The following SEC16A variants were observed in gnomAD, a reference collection of about 807,000 sequenced individuals.
The protein encoded by SEC16A is protein transport protein Sec16A.
SEC16A carries 110 observed loss-of-function variants against 221.9 expected under a neutral mutation model. The ratio of observed to expected loss-of-function variants is 0.50; its 90% confidence interval spans 0.42 to 0.58. The LOEUF is 0.58. SEC16A is among the 20% of genes least tolerant of loss of function. The pLI is 0.00. For missense variants in SEC16A, 3,165 were observed against 3,097.8 expected (o/e 1.02, Z -0.52); for synonymous variants, 1,393 against 1,257.7 (o/e 1.11, Z -2.28).
At chr9:136,453,805 A>G (rs1215031471) in intron 21 of SEC16A, among the ~76,000 whole-genome samples, 3 of 152,214 alleles carry the variant, frequency 2.0e-5, no homozygotes, top group African/African-American at 7.2e-5. Flanking sequence ...GCATCTCACC[A>G]GGCGTCCAGC....
intron 18 of SEC16A, 30 bp from the exon 19 acceptor site, chr9:136,456,196 G>A (rs1838639763): frequency 1.3e-6 from 2 of 1,541,092 alleles, no homozygotes; most frequent in East Asian, 4.5e-5. Flanking sequence ...AAAGGCCCCT[G>A]TCACCACCGG....
rs1192690291 is a variant in SEC16A, at chr9:136,477,346, G to T, written c.270C>A (p.Pro90=). The T allele has an allele frequency of 1.9e-6, 3 of 1,613,838 alleles. No individual in the cohort carries two copies. The African/African-American group carries it at 4.0e-5, about 22-fold the overall frequency. The change falls in exon 3 of 32, where the codon CCC becomes CCA. Residue 90 remains proline, a synonymous_variant. Transcript: ENST00000684901. ...GPAPAGFSQH[P]GLLVPHTHAR... Reference sequence around the variant, plus strand: ...CATGTGTGTGAGGAACAAGCAAACCGGGGTGCTGAGAAAACCCTGCGGGGG... The same window carrying T: ...CATGTGTGTGAGGAACAAGCAAACCTGGGTGCTGAGAAAACCCTGCGGGGG...
At chr9:136,479,297 A>C (rs1286744817) in intron 1 of SEC16A, among the ~76,000 whole-genome samples, 1 of 152,234 alleles carries the variant, frequency 6.6e-6, no homozygotes, top group African/African-American at 2.4e-5. Flanking sequence ...ACAAACAGAT[A>C]AGTTTAGCCA....
At chr9:136,463,626 A>C in intron 10 of SEC16A, 25 bp from the exon 11 acceptor site, 1 of 1,613,740 alleles carries the variant, frequency 6.2e-7, no homozygotes, top group Non-Finnish European at 8.5e-7. Context: ...CACAGTGAGC[A>C]GTGATGTCTG....
rs185365013 is a variant in SEC16A at position 136,443,956 on chromosome 9, T to C, written c.6928-56A>G. 3.8e-6 allele frequency: 5 copies of C among 1,300,194 alleles called. No homozygotes were observed. In the African/African-American group the frequency reaches 5.9e-5, roughly 15 times the overall value. 80.5% of individuals were successfully genotyped at this position (1,300,194 alleles called of 1,614,324 possible). ...GGCTGCGCTGCACAGCAGCTGTCAC[T>C]TCAAGTGCAGATACAGACACCGCTT... On this transcript the variant is annotated intron_variant, in intron 30 of 31. Transcript: ENST00000684901.
In SEC16A at chr9:136,476,518, T is replaced by G; in HGVS notation, c.1098A>C (p.Ser366=). Residue 366 remains serine, a synonymous_variant, in exon 3 of 32, where the codon TCA becomes TCC. Coordinates refer to ENST00000684901, the MANE Select transcript of SEC16A (RefSeq NM_014866.2). ...GSGCAPLEAD[S]GASGALAMFF... The stretch of plus-strand genomic sequence containing the variant: ...ACATCGCCAGAGCTCCTGAAGCTCC[T>G]GAGTCTGCTTCTAGCGGGGCACAGC... 1 of 1,612,956 alleles carries G rather than the reference T, an allele frequency of 6.2e-7. No individual in the cohort carries two copies. The highest frequency in any genetic ancestry group is 2.2e-5 in the East Asian group (1 of 44,882).
In SEC16A at chr9:136,447,187, T is replaced by A; in HGVS notation, c.6697+40A>T. The A allele has an allele frequency of 1.3e-6, 2 of 1,571,780 alleles. No homozygotes were observed. Among genetic ancestry groups the A allele is most frequent in the Non-Finnish European group, 1.7e-6 (2 of 1,158,314 alleles). On this transcript the variant is annotated intron_variant, in intron 27 of 31. Transcript: ENST00000684901. The surrounding 1 kb of genome is among the most constrained non-coding windows in gnomAD (Gnocchi z 5.5). Reference sequence around the variant, plus strand: ...GAAAGAGGATCAAAGGTCAGGAGACTGGGGGCTGACCTGGAGGGGCTGGTG... The same window carrying A: ...GAAAGAGGATCAAAGGTCAGGAGACAGGGGGCTGACCTGGAGGGGCTGGTG...
chr9:136,463,012 C>A lies in SEC16A; in HGVS notation c.4768G>T (p.Val1590Leu). The part of the protein sequence containing the change: ...IDFTNEAVEQ[V>L]EEEESGEAQL... Reference sequence around the variant, plus strand: ...GCCTCACCAGACTCCTCCTCTTCCACCTGCTCCACTGCCTCATTCGTGAAA... The same window carrying A: ...GCCTCACCAGACTCCTCCTCTTCCAACTGCTCCACTGCCTCATTCGTGAAA... Residue 1590 changes from valine to leucine, a missense_variant, in exon 12 of 32, where the codon GTG becomes TTG. This residue lies in a region of SEC16A where 1,088 missense variants were observed against 1,089.6 expected (regional missense o/e 1.00). Coordinates refer to ENST00000684901, the MANE Select transcript of SEC16A (RefSeq NM_014866.2). The A allele has an allele frequency of 6.2e-7, 1 of 1,611,886 alleles. No individual in the cohort carries two copies. Among genetic ancestry groups the A allele is most frequent in the African/African-American group, 1.3e-5 (1 of 75,080 alleles).
chr9:136,454,398 C>T (rs145392598), intron 20 of SEC16A, 71 bp from the exon 21 acceptor site: 5 of 1,348,806 alleles, frequency 3.7e-6, no homozygotes, highest in Admixed American at 2.0e-5. Context: ...GGAGCTGACA[C>T]TCGACGTGTT....
chr9:136,476,751 C>A lies in SEC16A; in HGVS notation c.865G>T (p.Gly289Ter). ...GRDEVSHLQS[G>*]SHLANNSDPE... The stretch of plus-strand genomic sequence containing the variant: ...TCAGAGTTATTGGCCAGGTGGCTTC[C>A]ACTTTGCAAGTGGCTCACCTCGTCT... The change falls in exon 3 of 32, where the codon GGA becomes TGA. Residue 289 changes from glycine (G) to a stop codon, truncating the protein, a stop_gained. Coordinates refer to ENST00000684901, the MANE Select transcript of SEC16A (RefSeq NM_014866.2). LOFTEE classifies it high-confidence loss of function. 6.2e-7 allele frequency: 1 copy of A among 1,609,604 alleles called. No homozygotes were observed. Among genetic ancestry groups the A allele is most frequent in the Non-Finnish European group, 8.5e-7 (1 of 1,177,012 alleles).
chr9:136,475,660 G>T lies in SEC16A; in HGVS notation c.1956C>A (p.Pro652=). ...GCTCCAGGTTGCCAGGGGAAGCATC[G>T]GGCAGGGCGGCAGCTGGTCTGCACT... is the stretch of plus-strand genomic sequence containing the variant. ...QKQCRPAAAL[P]DASPGNLEQP... Residue 652 remains proline, a synonymous_variant, in exon 3 of 32, where the codon CCC becomes CCA. Transcript: ENST00000684901. The surrounding 1 kb of genome is among the most constrained non-coding windows in gnomAD (Gnocchi z 5.0). 1.9e-6 allele frequency: 3 copies of T among 1,613,724 alleles called. No individual in the cohort carries two copies. Among genetic ancestry groups the T allele is most frequent in the Non-Finnish European group, 1.7e-6 (2 of 1,179,844 alleles).
intron 31 of SEC16A, among the ~76,000 whole-genome samples, chr9:136,443,281 C>G (rs983792355): frequency 6.6e-5 from 10 of 151,864 alleles, no homozygotes; most frequent in Admixed American, 5.2e-4. Context: ...CAGAGCTGAG[C>G]ACGGTGGGCC....
rs903749763 is a variant in SEC16A at position 136,458,383 on chromosome 9, C to A, written c.5409+751G>T. 3.9e-5 allele frequency among the ~76,000 whole-genome samples: 6 copies of A among 152,204 alleles called. No individual in the cohort carries two copies. In the East Asian group the frequency reaches 1.2e-3, roughly 29 times the overall value. On this transcript the variant is annotated intron_variant, in intron 17 of 31. Transcript: ENST00000684901. ...GTGGCTCACGCCTGTCATCCCAACA[C>A]TTTGGGAGGCTGAGGTGGGCAGATC...
upstream of SEC16A, chr9:136,484,732 G>C: frequency 7.3e-7 from 1 of 1,366,802 alleles, no homozygotes; most frequent in South Asian, 1.1e-5. Context: ...GTGGCACCAG[G>C]GCCAATCTGC....
rs746979798 is a variant in SEC16A at position 136,441,837 on chromosome 9, A to G, written c.7006-14T>C. The G allele has an allele frequency of 6.2e-7, 1 of 1,611,766 alleles. No individual in the cohort carries two copies. The highest frequency in any genetic ancestry group is 1.1e-5 in the South Asian group (1 of 91,054). The stretch of plus-strand genomic sequence containing the variant: ...GGTGGCGCAGGCCTGGAATGAAATC[A>G]ACAGCATGACCTCTGCATGCCTGCC... On this transcript the variant is annotated splice_polypyrimidine_tract_variant and intron_variant, in intron 31 of 31. Coordinates refer to ENST00000684901, the MANE Select transcript of SEC16A (RefSeq NM_014866.2).
chr9:136,481,711 T>C (rs533793968), intron 1 of SEC16A, among the ~76,000 whole-genome samples: 5 of 152,330 alleles, frequency 3.3e-5, no homozygotes, highest in African/African-American at 1.2e-4. Flanking sequence ...TGAGTTTACC[T>C]ACTGCCTACA....
chr9:136,464,056 C>T lies in SEC16A; in HGVS notation c.4447-316G>A, dbSNP rs1409427919. On this transcript the variant is annotated intron_variant, in intron 9 of 31. Coordinates refer to ENST00000684901, the MANE Select transcript of SEC16A (RefSeq NM_014866.2). ...AGGCGCATGCCAGCCCCCGTCACCT[C>T]GGCAGCGCCGTGCACGTCCACCCCA... 2.6e-5 allele frequency among the ~76,000 whole-genome samples: 4 copies of T among 152,230 alleles called. No individual in the cohort carries two copies. In the East Asian group the frequency reaches 5.8e-4, roughly 22 times the overall value.
rs1841566490 is a variant in SEC16A at position 136,475,947 on chromosome 9, C to T, written c.1669G>A (p.Glu557Lys). 1 of 1,613,704 alleles carries T rather than the reference C, an allele frequency of 6.2e-7. No individual in the cohort carries two copies. The highest frequency in any genetic ancestry group is 1.1e-5 in the South Asian group (1 of 91,086). Reference protein sequence around the residue: ...IQQEVGKPEDEASGSFFKQID... With the variant: ...IQQEVGKPEDKASGSFFKQID... The stretch of plus-strand genomic sequence containing the variant: ...TGCTTAAAAAAACTACCTGAAGCTT[C>T]ATCCTCGGGTTTTCCAACTTCTTGC... The change falls in exon 3 of 32, where the codon GAA becomes AAA. Residue 557 changes from glutamate to lysine, a missense_variant. Physicochemically the swap from Glu to Lys is moderately conservative, Grantham distance 56. This residue lies in a region of SEC16A where 2,030 missense variants were observed against 1,923.1 expected (regional missense o/e 1.06). Coordinates refer to ENST00000684901, the MANE Select transcript of SEC16A (RefSeq NM_014866.2). This position sits in a 1 kb window ranked among gnomAD's most constrained non-coding sequence, Gnocchi z 5.0.
intron 4 of SEC16A, among the ~76,000 whole-genome samples, chr9:136,471,384 A>G (rs1164979176): frequency 1.3e-5 from 2 of 152,088 alleles, no homozygotes; most frequent in African/African-American, 4.8e-5. Context: ...TGAAGTGGGA[A>G]GATTGCTTGG....
Sources: gnomAD v4.1 joint callset for allele counts (sites outside exome capture counted in the v4.1 genomes callset) on GRCh38, gnomAD v4.1.1 for gene constraint, gnomAD v4.1.1 regional missense constraint, Gnocchi (gnomAD v3.1) non-coding constraint, MANE v1.5 for transcripts, NCBI Gene and HGNC (gene_info 2026-07-23, HGNC 2026-07-21) for gene names.